The following DSG3 variants were observed in gnomAD, a reference collection of about 807,000 sequenced individuals.
DSG3 encodes desmoglein 3.
A neutral mutation model predicts 85.9 loss-of-function variants in DSG3; 63 were observed. That is an observed-to-expected ratio of 0.73 (90% CI 0.60 to 0.90). The LOEUF (loss-of-function observed/expected upper bound fraction) is 0.90, where lower values mean the gene tolerates loss of function less well. Ranked by LOEUF, DSG3 falls within the 40% of genes least tolerant of loss-of-function variation. DSG3 has a pLI of 0.00. For missense variants in DSG3, 1,220 were observed against 1,219.9 expected, an observed-to-expected ratio of 1.00 and a Z score of 0.00; for synonymous variants, 447 against 441.9, an observed-to-expected ratio of 1.01 and a Z score of -0.14.
At chr18:31,472,862 C>G in intron 14 of DSG3, 74 bp downstream of exon 14, 2 of 1,349,576 alleles carry the variant, frequency 1.5e-6, no homozygotes, top group South Asian at 1.2e-5. Context: ...AGTGTTCAAA[C>G]TATCTTCTTA....
Position 31,478,275 on chromosome 18 carries a change from G to C in DSG3, c.*2015G>C, listed in dbSNP as rs924849346. ...AGTCTAGAGCACATGCAGCTAACTT[G>C]TGCCTCTGCTTATGCATGAGGGTTA... On this transcript the variant is annotated 3_prime_UTR_variant, in exon 16 of 16. Transcript: ENST00000257189. 1 of 152,192 alleles carries C rather than the reference G, an allele frequency of 6.6e-6. No individual in the cohort carries two copies. Among genetic ancestry groups the C allele is most frequent in the African/African-American group, 2.4e-5 (1 of 41,452 alleles). The allele number at this position is 152,192 out of a possible 1,614,324, so 9.4% of individuals were successfully genotyped here. A position where few individuals can be genotyped will look rare whatever the true frequency, so the allele number is the denominator to read the frequency against.
Position 31,465,403 on chromosome 18 carries a change from G to A in DSG3, c.1357G>A (p.Asp453Asn). The change falls in exon 10 of 16, where the codon GAT becomes AAT. Residue 453 changes from aspartate to asparagine, a missense_variant. By Grantham distance (23) the Asp-to-Asn change is conservative. Transcript: ENST00000257189. ...CAAATTTGTCAAAAATATGAACCGAGATTCTACTTTCATAGTTAACAAAAC... is the reference window on the plus strand; with the variant it reads ...CAAATTTGTCAAAAATATGAACCGAAATTCTACTTTCATAGTTAACAAAAC... ...EIKFVKNMNR[D>N]STFIVNKTIT... 2 of 1,549,068 alleles carry A rather than the reference G, an allele frequency of 1.3e-6. No individual in the cohort carries two copies. The highest frequency in any genetic ancestry group is 1.7e-6 in the Non-Finnish European group (2 of 1,149,250).
intron 8 of DSG3, among the ~76,000 whole-genome samples, chr18:31,463,843 T>G (rs1260910312): frequency 6.6e-6 from 1 of 152,170 alleles, no homozygotes; most frequent in Non-Finnish European, 1.5e-5. Context: ...TTGGGGTTCT[T>G]TCCACTGCAC....
At chr18:31,455,222 G>A (rs2072734949) in intron 1 of DSG3, among the ~76,000 whole-genome samples, 1 of 151,994 alleles carries the variant, frequency 6.6e-6, no homozygotes, top group Non-Finnish European at 1.5e-5. Flanking sequence ...AAAACAGTAA[G>A]TATAAAGCTC....
At position 31,475,675 on chromosome 18, in the gene DSG3, T is replaced by C. The variant is rs2072881673; in HGVS notation, c.2415T>C (p.Asp805=). The change falls in exon 16 of 16, where the codon GAT becomes GAC. Residue 805 remains aspartate, a synonymous_variant. Transcript: ENST00000257189. ...CATTTGCCTGTGCGGAGGAAGACGA[T>C]GGCCAGGAAGCAAATGACTGCTTGT... ...QKAFACAEED[D]GQEANDCLLI... is the part of the protein sequence containing the mutation. 6.2e-7 allele frequency: 1 copy of C among 1,614,004 alleles called. No individual in the cohort carries two copies. Among genetic ancestry groups the C allele is most frequent in the Non-Finnish European group, 8.5e-7 (1 of 1,180,028 alleles).
intron 9 of DSG3, among the ~76,000 whole-genome samples, chr18:31,464,816 A>G (rs1469235322): frequency 6.6e-6 from 1 of 152,196 alleles, no homozygotes; most frequent in Non-Finnish European, 1.5e-5. Context: ...ATTTTATTTT[A>G]TTGTGCATAG....
chr18:31,462,273 T>G (rs1278578569), intron 8 of DSG3, among the ~76,000 whole-genome samples: 1 of 152,170 alleles, frequency 6.6e-6, no homozygotes, highest in Non-Finnish European at 1.5e-5. Context: ...GGTTTCACCA[T>G]ATTGACCAGG....
At chr18:31,459,206 C>T in intron 5 of DSG3, 29 bp downstream of exon 5, 1 of 1,586,740 alleles carries the variant, frequency 6.3e-7, no homozygotes. Flanking sequence ...TTACCACTTT[C>T]AGTTTATCTA....
intron 12 of DSG3, among the ~76,000 whole-genome samples, chr18:31,471,238 G>T (rs1326805553): frequency 1.3e-5 from 2 of 152,062 alleles, no homozygotes. Context: ...GAATGTGTGT[G>T]TCCCCCCAAA....
At chr18:31,463,209 A>T (rs2072796949) in intron 8 of DSG3, among the ~76,000 whole-genome samples, 1 of 152,186 alleles carries the variant, frequency 6.6e-6, no homozygotes, top group Non-Finnish European at 1.5e-5. Context: ...TCCTAAGTAG[A>T]ATTATTCCTT....
At chr18:31,450,338 T>G (rs893110640) in intron 1 of DSG3, among the ~76,000 whole-genome samples, 4 of 152,174 alleles carry the variant, frequency 2.6e-5, no homozygotes, top group Non-Finnish European at 5.9e-5. Flanking sequence ...CACACCAGTA[T>G]GACTAGCATG....
At chr18:31,464,040 C>T in intron 8 of DSG3, 71 bp from the exon 9 acceptor site, 2 of 1,382,894 alleles carry the variant, frequency 1.4e-6, no homozygotes, top group Non-Finnish European at 2.0e-6. Flanking sequence ...GCATAGTGTG[C>T]TGTCATCATC....
chr18:31,455,960 G>A (rs1419403120), intron 1 of DSG3, among the ~76,000 whole-genome samples: 1 of 152,178 alleles, frequency 6.6e-6, no homozygotes. Flanking sequence ...AAAATGTTCT[G>A]TAATTGTAGA....
intron 11 of DSG3, among the ~76,000 whole-genome samples, chr18:31,468,233 C>T (rs2072833857): frequency 6.6e-6 from 1 of 152,224 alleles, no homozygotes; most frequent in Non-Finnish European, 1.5e-5. Flanking sequence ...AATCCCATAT[C>T]ATAGACCTGC....
chr18:31,466,466 A>G lies in DSG3; in HGVS notation c.1412-64A>G, dbSNP rs951382644. 17 of 1,412,988 alleles carry G rather than the reference A, an allele frequency of 1.2e-5. No individual in the cohort carries two copies. The South Asian group carries it at 1.5e-4, about 13-fold the overall frequency. The allele number at this position is 1,412,988 out of a possible 1,614,324, so 87.5% of individuals were successfully genotyped here. The stretch of plus-strand genomic sequence containing the variant: ...GCTACAGAAAAGAGAAATGTAAAAG[A>G]TTCTCCTTTTTTGTACAACTTTGTT... On this transcript the variant is annotated intron_variant, in intron 10 of 15. Transcript: ENST00000257189.
rs529360250 is a variant in DSG3, at chr18:31,476,604, A to T, written c.*344A>T. On this transcript the variant is annotated 3_prime_UTR_variant, in exon 16 of 16. Coordinates refer to ENST00000257189, the MANE Select transcript of DSG3 (RefSeq NM_001944.3). Reference sequence around the variant, plus strand: ...TTTAAAATGCAATGTGATTTAGTGGATTAAGCAGGAGCGCTGGTTCTTGTC... The same window carrying T: ...TTTAAAATGCAATGTGATTTAGTGGTTTAAGCAGGAGCGCTGGTTCTTGTC... The T allele has an allele frequency of 5.1e-6, 1 of 195,800 alleles. No individual in the cohort carries two copies. The highest frequency in any genetic ancestry group is 1.3e-4 in the East Asian group (1 of 7,790). The allele number at this position is 195,800 out of a possible 1,614,324, so 12.1% of individuals were successfully genotyped here.
intron 8 of DSG3, among the ~76,000 whole-genome samples, chr18:31,463,187 C>T (rs1370338587): frequency 6.6e-6 from 1 of 152,172 alleles, no homozygotes; most frequent in African/African-American, 2.4e-5. Context: ...TCTCAGAAAC[C>T]CTTCATAGCT....
chr18:31,457,803 G>A (rs1289832188), intron 3 of DSG3, among the ~76,000 whole-genome samples: 2 of 151,634 alleles, frequency 1.3e-5, no homozygotes, highest in Non-Finnish European at 2.9e-5. Flanking sequence ...AATTGTTTTT[G>A]TATTTTTAGT....
At position 31,458,437 on chromosome 18, in the gene DSG3, G is replaced by A. The variant is rs1335741530; in HGVS notation, c.217-8G>A. 3 of 1,612,984 alleles carry A rather than the reference G, an allele frequency of 1.9e-6. No homozygotes were observed. In the South Asian group the frequency reaches 3.3e-5, roughly 18 times the overall value. The stretch of plus-strand genomic sequence containing the variant: ...TCACCTCAACGTTTTTGGTATTTGG[G>A]GCTGTAGATTACTTCAGATTACCAA... On this transcript the variant is annotated splice_region_variant and splice_polypyrimidine_tract_variant and intron_variant, in intron 3 of 15. Coordinates refer to ENST00000257189, the MANE Select transcript of DSG3 (RefSeq NM_001944.3).
Sources: allele counts gnomAD v4.1 joint callset (sites outside exome capture counted in the v4.1 genomes callset), GRCh38; gene constraint gnomAD v4.1.1; transcripts MANE v1.5; gene names NCBI Gene and HGNC (gene_info 2026-07-23, HGNC 2026-07-21).